The following CAPZB variants were observed in gnomAD, a reference collection of about 807,000 sequenced individuals.
CAPZB encodes capping actin protein of muscle Z-line subunit beta, also known as F-actin-capping protein subunit beta.
Under a neutral mutation model 38.1 loss-of-function variants are expected in CAPZB, and 2 were observed. The observed-to-expected ratio is 0.05, with a 90% CI of 0.02 to 0.17. CAPZB has a LOEUF of 0.17. Ranked by LOEUF, CAPZB falls within the 10% of genes least tolerant of loss-of-function variation. The pLI is 1.00. For missense variants in CAPZB, 161 were observed against 334.2 expected (o/e 0.48, Z 4.04); for synonymous variants, 107 against 127.4 (o/e 0.84, Z 1.08).
At chr1:19,353,061 C>T (rs1185689659) in intron 6 of CAPZB, among the ~76,000 whole-genome samples, 1 of 152,236 alleles carries the variant, frequency 6.6e-6, no homozygotes. Flanking sequence ...AACAGGAAGA[C>T]AAGGGTGCGC....
intron 2 of CAPZB, among the ~76,000 whole-genome samples, chr1:19,397,263 G>A (rs117422024): frequency 6.6e-6 from 1 of 152,194 alleles, no homozygotes; most frequent in Non-Finnish European, 1.5e-5. Context: ...AGTTATGATT[G>A]GAATAACAGC....
At chr1:19,457,222 T>A (rs371312983) in intron 1 of CAPZB, among the ~76,000 whole-genome samples, 2 of 152,218 alleles carry the variant, frequency 1.3e-5, no homozygotes, top group Admixed American at 1.3e-4. Context: ...TACGGCTGAT[T>A]AGGCCCCTTA....
intron 1 of CAPZB, among the ~76,000 whole-genome samples, chr1:19,438,522 T>C (rs1236154013): frequency 6.6e-6 from 1 of 152,172 alleles, no homozygotes; most frequent in Non-Finnish European, 1.5e-5. Context: ...GGAGCCTTTC[T>C]CAAGTGTCTT....
At chr1:19,440,618 G>A (rs1402858452) in intron 1 of CAPZB, among the ~76,000 whole-genome samples, 2 of 152,100 alleles carry the variant, frequency 1.3e-5, no homozygotes, top group Admixed American at 1.3e-4. Context: ...TGGGGGGAAG[G>A]GACTTGGGCA....
intron 1 of CAPZB, among the ~76,000 whole-genome samples, chr1:19,477,991 G>C (rs1427042545): frequency 6.6e-6 from 1 of 152,212 alleles, no homozygotes; most frequent in African/African-American, 2.4e-5. Flanking sequence ...ATAAGATACC[G>C]AGCCTAACTC....
intron 2 of CAPZB, among the ~76,000 whole-genome samples, chr1:19,409,584 G>A (rs1328139725): frequency 2.0e-5 from 3 of 152,118 alleles, no homozygotes; most frequent in African/African-American, 7.2e-5. Flanking sequence ...TAAGAGCCCC[G>A]GAGTCAGGTT....
intron 6 of CAPZB, among the ~76,000 whole-genome samples, chr1:19,353,608 G>GA (rs2094003807): frequency 6.6e-6 from 1 of 151,992 alleles, no homozygotes; most frequent in South Asian, 2.1e-4. Flanking sequence ...CTCTCTCCTT[G>GA]ATGACTGTAA....
chr1:19,370,293 G>C (rs1000888097), intron 4 of CAPZB, among the ~76,000 whole-genome samples: 2 of 152,200 alleles, frequency 1.3e-5, no homozygotes, highest in East Asian at 3.9e-4. Flanking sequence ...ACCACCCGAG[G>C]CTCCATAATT....
intron 2 of CAPZB, among the ~76,000 whole-genome samples, chr1:19,417,191 C>T (rs1410417650): frequency 6.6e-6 from 1 of 152,000 alleles, no homozygotes; most frequent in Non-Finnish European, 1.5e-5. Context: ...TGAGGGAGTC[C>T]CGGAGAAAAG....
At chr1:19,395,248 C>A (rs1022363715) in intron 2 of CAPZB, among the ~76,000 whole-genome samples, 3 of 152,030 alleles carry the variant, frequency 2.0e-5, no homozygotes, top group Non-Finnish European at 4.4e-5. Flanking sequence ...TGAGGCTGGC[C>A]GAGAGGGCCA....
chr1:19,443,693 T>C (rs1219557877), intron 1 of CAPZB, among the ~76,000 whole-genome samples: 2 of 152,184 alleles, frequency 1.3e-5, no homozygotes, highest in Admixed American at 6.5e-5. Context: ...CCAGGCACTG[T>C]GTCAGGTACT....
At chr1:19,483,807 A>G (rs1461672675) in intron 1 of CAPZB, among the ~76,000 whole-genome samples, 3 of 152,236 alleles carry the variant, frequency 2.0e-5, no homozygotes, top group Non-Finnish European at 2.9e-5. Flanking sequence ...GAAGGCCTTA[A>G]AAGTGGCATT....
rs543669477 is a variant in CAPZB, at chr1:19,472,562, A to T, written c.3+12874T>A. ...TGCCTGGATGTGTGCAGAGAAGAGG[A>T]GGAGAAAGGGAAGTGAGGGGCAGGA... On this transcript the variant is annotated intron_variant, in intron 1 of 8. Coordinates refer to ENST00000264202, the MANE Select transcript of CAPZB (RefSeq NM_004930.5). Among the ~76,000 whole-genome samples the T allele has an allele frequency of 3.5e-4, 53 of 152,206 alleles. No individual in the cohort carries two copies. The Middle Eastern group carries it at 0.02, about 59-fold the overall frequency.
chr1:19,406,868 A>G (rs2094335061), intron 2 of CAPZB, among the ~76,000 whole-genome samples: 1 of 152,198 alleles, frequency 6.6e-6, no homozygotes. Context: ...CAAGCCAGGT[A>G]CTATGCTAGA....
At chr1:19,476,227 G>GACAGATAA (rs1237046140) in intron 1 of CAPZB, among the ~76,000 whole-genome samples, 1 of 46,882 alleles carries the variant, frequency 2.1e-5, no homozygotes, top group African/African-American at 4.6e-5. Flanking sequence ...TAGATAGATA[G>GACAGATAA]GCAGGCAGGC....
intron 4 of CAPZB, among the ~76,000 whole-genome samples, chr1:19,372,702 G>A (rs552924827): frequency 1.5e-4 from 23 of 152,280 alleles, no homozygotes; most frequent in African/African-American, 5.5e-4. Context: ...AAGCAGAGTC[G>A]GCTCTGCTGA....
At chr1:19,389,296 T>C (rs1383215601) in intron 2 of CAPZB, among the ~76,000 whole-genome samples, 1 of 151,878 alleles carries the variant, frequency 6.6e-6, no homozygotes, top group Non-Finnish European at 1.5e-5. Context: ...TGCACGTGCA[T>C]TCCCCCACTT....
chr1:19,418,786 C>A (rs1334256081), intron 2 of CAPZB, among the ~76,000 whole-genome samples: 2 of 152,182 alleles, frequency 1.3e-5, no homozygotes. Context: ...TGAATGCATA[C>A]AATGGAATTA....
At chr1:19,440,818 T>G (rs1290242936) in intron 1 of CAPZB, among the ~76,000 whole-genome samples, 1 of 152,186 alleles carries the variant, frequency 6.6e-6, no homozygotes, top group African/African-American at 2.4e-5. Flanking sequence ...CCCAGCACTT[T>G]GGGAGGCCGA....
Sources: gnomAD v4.1 joint callset for allele counts (sites outside exome capture counted in the v4.1 genomes callset) on GRCh38, gnomAD v4.1.1 for gene constraint, MANE v1.5 for transcripts, NCBI Gene and HGNC (gene_info 2026-07-23, HGNC 2026-07-21) for gene names.